Variants in EXOC4 observed in about 807,000 individuals in gnomAD.
EXOC4 encodes the protein exocyst complex component 4.
A neutral mutation model predicts 107.2 loss-of-function variants in EXOC4; 71 were observed. The observed-to-expected ratio is 0.66, with a 90% confidence interval of 0.55 to 0.81. The LOEUF (loss-of-function observed/expected upper bound fraction) is 0.81, where lower values mean the gene tolerates loss of function less well. Ranked by LOEUF, EXOC4 falls within the 30% of genes least tolerant of loss-of-function variation. The pLI is 0.00. For synonymous variants in EXOC4, 456 were observed against 441.2 expected (o/e 1.03, Z -0.42); for missense variants, 1,108 against 1,189.6 (o/e 0.93, Z 1.01).
intron 10 of EXOC4, among the ~76,000 whole-genome samples, chr7:133,753,758 G>T (rs73724731): frequency 6.6e-6 from 1 of 152,174 alleles, no homozygotes; most frequent in East Asian, 1.9e-4. Context: ...AGTGTATTTA[G>T]TGGCGTGAAC....
intron 9 of EXOC4, among the ~76,000 whole-genome samples, chr7:133,585,488 G>T (rs1043306087): frequency 1.1e-4 from 16 of 152,172 alleles, no homozygotes; most frequent in South Asian, 4.2e-4. Context: ...TTGGCCAGGG[G>T]TGGTGGCGCA....
chr7:133,555,434 G>A (rs960037313), intron 9 of EXOC4, among the ~76,000 whole-genome samples: 2 of 152,074 alleles, frequency 1.3e-5, no homozygotes, highest in Non-Finnish European at 2.9e-5. Flanking sequence ...AAGAACCTAG[G>A]TTTATATTCA....
intron 10 of EXOC4, among the ~76,000 whole-genome samples, chr7:133,722,645 T>C (rs570087345): frequency 1.3e-5 from 2 of 152,178 alleles, no homozygotes; most frequent in Non-Finnish European, 1.5e-5. Flanking sequence ...TAAAGGTCAT[T>C]GGGGAAGGGA....
At chr7:133,280,781 C>T (rs746603001) in intron 2 of EXOC4, among the ~76,000 whole-genome samples, 9 of 151,894 alleles carry the variant, frequency 5.9e-5, no homozygotes, top group Non-Finnish European at 8.8e-5. Context: ...AGAATTAGAA[C>T]GAGGAATAAC....
intron 10 of EXOC4, among the ~76,000 whole-genome samples, chr7:133,792,409 C>T (rs189009793): frequency 6.6e-6 from 1 of 151,742 alleles, no homozygotes; most frequent in African/African-American, 2.4e-5. Flanking sequence ...AAAAATTAGT[C>T]GAGTGGTGTG....
In EXOC4 at chr7:133,557,915, C is replaced by T. The variant is rs933844390; in HGVS notation, c.1418-72130C>T. On this transcript the variant is annotated intron_variant, in intron 9 of 17. Transcript: ENST00000253861. ...CTGAGGCAGGAGAATCATTTGAACC[C>T]GGGAGGCGGAGGTTGCAGTGAGCCA... 2.0e-4 allele frequency among the ~76,000 whole-genome samples: 30 copies of T among 152,058 alleles called. No individual in the cohort carries two copies. In the East Asian group the frequency reaches 4.6e-3, roughly 24 times the overall value.
intron 10 of EXOC4, among the ~76,000 whole-genome samples, chr7:133,714,335 T>C (rs1006947822): frequency 3.3e-5 from 5 of 152,138 alleles, no homozygotes; most frequent in African/African-American, 9.7e-5. Flanking sequence ...GGATGTTTCT[T>C]CCATAGTCTG....
Position 133,356,445 on chromosome 7 carries a change from A to C in EXOC4, c.879A>C (p.Pro293=). Reference sequence around the variant, plus strand: ...GCTTGGCGAAACTGAAGAAGATCCCAGAAACAGTTAAGGCAATCATAGAGC... The same window carrying C: ...GCTTGGCGAAACTGAAGAAGATCCCCGAAACAGTTAAGGCAATCATAGAGC... The part of the protein sequence containing the change: ...IKGLAKLKKI[P]ETVKAIIERL... The change falls in exon 6 of 18, where the codon CCA becomes CCC. Residue 293 remains proline (P), a synonymous_variant. Coordinates refer to ENST00000253861, the MANE Select transcript of EXOC4 (RefSeq NM_021807.4). 1 of 1,614,208 alleles carries C rather than the reference A, an allele frequency of 6.2e-7. No individual in the cohort carries two copies. The highest frequency in any genetic ancestry group is 8.5e-7 in the Non-Finnish European group (1 of 1,180,030).
intron 14 of EXOC4, among the ~76,000 whole-genome samples, chr7:133,983,277 C>A (rs1212508992): frequency 1.3e-5 from 2 of 152,176 alleles, no homozygotes; most frequent in African/African-American, 2.4e-5. Flanking sequence ...TTGGGAATTA[C>A]ATTTCAACAT....
chr7:133,896,581 G>A (rs1027618617), intron 12 of EXOC4, among the ~76,000 whole-genome samples: 1 of 151,818 alleles, frequency 6.6e-6, no homozygotes, highest in African/African-American at 2.4e-5. Flanking sequence ...TGAAATTTAC[G>A]GAGGTGGAGA....
At chr7:133,928,091 T>C (rs1333413708) in intron 13 of EXOC4, among the ~76,000 whole-genome samples, 4 of 152,224 alleles carry the variant, frequency 2.6e-5, no homozygotes, top group Non-Finnish European at 5.9e-5. Context: ...TTTCTAAATT[T>C]CATTTTTATT....
chr7:133,960,756 A>G (rs537412010), intron 14 of EXOC4, among the ~76,000 whole-genome samples: 1 of 152,328 alleles, frequency 6.6e-6, no homozygotes, highest in South Asian at 2.1e-4. Flanking sequence ...ATCTATGTTC[A>G]TCAGGGATAT....
At chr7:133,632,921 G>A (rs1802624052) in intron 10 of EXOC4, among the ~76,000 whole-genome samples, 1 of 152,170 alleles carries the variant, frequency 6.6e-6, no homozygotes, top group Non-Finnish European at 1.5e-5. Context: ...AGCCTAATGG[G>A]AGAGGCAGTG....
chr7:133,731,363 T>G (rs917435579), intron 10 of EXOC4, among the ~76,000 whole-genome samples: 1 of 152,174 alleles, frequency 6.6e-6, no homozygotes, highest in Non-Finnish European at 1.5e-5. Context: ...TTGCTTGCTT[T>G]CTTTTATGTG....
chr7:133,594,972 T>C (rs1801633202), intron 9 of EXOC4, among the ~76,000 whole-genome samples: 1 of 152,174 alleles, frequency 6.6e-6, no homozygotes, highest in Non-Finnish European at 1.5e-5. Flanking sequence ...GGTCAGGGAA[T>C]GCTTCCCTGA....
At position 133,697,139 on chromosome 7, in the gene EXOC4, A is replaced by G. The variant is rs550336151; in HGVS notation, c.1514+66998A>G. 3.3e-5 allele frequency among the ~76,000 whole-genome samples: 5 copies of G among 152,316 alleles called. No homozygotes were observed. In the South Asian group the frequency reaches 1.0e-3, roughly 32 times the overall value. ...GTGTTTGTTTGTTTGTTTGTTTTAA[A>G]AAAGCTCTCATAGTAATACTAGTGT... On this transcript the variant is annotated intron_variant, in intron 10 of 17. Transcript: ENST00000253861.
intron 17 of EXOC4, among the ~76,000 whole-genome samples, chr7:134,021,590 G>A (rs1208106387): frequency 6.6e-6 from 1 of 152,056 alleles, no homozygotes; most frequent in South Asian, 2.1e-4. Context: ...CTTAATCTCC[G>A]TGTTCTAACC....
chr7:133,369,800 C>CTTTTTTTTTTT (rs35258276), intron 6 of EXOC4, among the ~76,000 whole-genome samples: 3 of 86,640 alleles, frequency 3.5e-5, no homozygotes, highest in Non-Finnish European at 6.4e-5. Flanking sequence ...ACTAGATTTC[C>CTTTTTTTTTTT]TTTTTTTTTT....
chr7:133,920,300 T>C (rs920949205), intron 13 of EXOC4, among the ~76,000 whole-genome samples: 3 of 152,222 alleles, frequency 2.0e-5, no homozygotes, highest in Admixed American at 6.5e-5. Flanking sequence ...GATAAGTATT[T>C]TGCAAAGATT....
Sources: allele counts gnomAD v4.1 joint callset (sites outside exome capture counted in the v4.1 genomes callset), GRCh38; gene constraint gnomAD v4.1.1; transcripts MANE v1.5; gene names NCBI Gene and HGNC (gene_info 2026-07-23, HGNC 2026-07-21).